Variants in TFCP2L1 observed in about 807,000 individuals in gnomAD.
The protein encoded by TFCP2L1 is transcription factor CP2 like 1, also known as transcription factor CP2-like protein 1.
A neutral mutation model predicts 72.2 loss-of-function variants in TFCP2L1; 12 were observed. That is an observed-to-expected ratio of 0.17 (90% CI 0.11 to 0.27). The LOEUF is 0.27. Among genes scored for constraint, TFCP2L1 ranks in the 10% least tolerant of loss-of-function variants. The pLI, the probability that TFCP2L1 is intolerant of heterozygous loss-of-function variation, is 1.00. For missense variants in TFCP2L1, 488 were observed against 624.6 expected (o/e 0.78, Z 2.33); for synonymous variants, 260 against 251.0 (o/e 1.04, Z -0.34).
chr2:121,225,802 A>C (rs1214021124), intron 13 of TFCP2L1, among the ~76,000 whole-genome samples, 189 bp from the exon 14 acceptor site: 1 of 148,898 alleles, frequency 6.7e-6, no homozygotes, highest in African/African-American at 2.5e-5. Context: ...CACGGTAAAC[A>C]CCACTGCCAC....
At chr2:121,283,282 G>A (rs781140604) in intron 1 of TFCP2L1, among the ~76,000 whole-genome samples, 3 of 152,162 alleles carry the variant, frequency 2.0e-5, no homozygotes, top group Non-Finnish European at 4.4e-5. Flanking sequence ...ACAGCTTGCA[G>A]AAGTTCTGCC....
chr2:121,285,132 A>T lies in TFCP2L1; in HGVS notation c.-23T>A. 2 of 1,481,264 alleles carry T rather than the reference A, an allele frequency of 1.4e-6. No individual in the cohort carries two copies. The highest frequency in any genetic ancestry group is 1.8e-6 in the Non-Finnish European group (2 of 1,113,854). 91.8% of individuals were successfully genotyped at this position (1,481,264 alleles called of 1,614,324 possible). A position where few individuals can be genotyped will look rare whatever the true frequency, so the allele number is the denominator to read the frequency against. On this transcript the variant is annotated 5_prime_UTR_variant, in exon 1 of 15. Transcript: ENST00000263707. ...CATGGCTGGAACTCCCAGCGCGCCGACCGGGGCGCGGCAGCAAGCGCAGAC... is the reference window on the plus strand; with the variant it reads ...CATGGCTGGAACTCCCAGCGCGCCGTCCGGGGCGCGGCAGCAAGCGCAGAC...
At position 121,217,527 on chromosome 2, in the gene TFCP2L1, G is replaced by A. The variant is rs1189733930; in HGVS notation, c.*6814C>T. 6.6e-6 allele frequency: 1 copy of A among 152,470 alleles called. No homozygotes were observed. Among genetic ancestry groups the A allele is most frequent in the Non-Finnish European group, 1.5e-5 (1 of 68,246 alleles). The allele number at this position is 152,470 out of a possible 1,614,324, so 9.4% of individuals were successfully genotyped here. On this transcript the variant is annotated 3_prime_UTR_variant, in exon 15 of 15. Transcript: ENST00000263707. ...AGGATACCCTTATGGAGGGCCGGGG[G>A]GCGGCCCCTCAAAACCACCAAGCTG...
chr2:121,254,615 T>G (rs1331783449), intron 2 of TFCP2L1, among the ~76,000 whole-genome samples: 1 of 152,088 alleles, frequency 6.6e-6, no homozygotes, highest in Non-Finnish European at 1.5e-5. Context: ...ATGGCCAACA[T>G]GGCGAAACCC....
chr2:121,280,627 G>A (rs189886844), intron 2 of TFCP2L1, among the ~76,000 whole-genome samples: 10 of 151,986 alleles, frequency 6.6e-5, no homozygotes, highest in East Asian at 3.9e-4. Context: ...CGGGCATGGC[G>A]GTCTACACCT....
chr2:121,235,437 C>G, intron 10 of TFCP2L1, 126 bp from the exon 11 acceptor site: 1 of 917,384 alleles, frequency 1.1e-6, no homozygotes, highest in South Asian at 1.5e-5. Flanking sequence ...CACTATCTCA[C>G]AGAGAGAAAA....
intron 12 of TFCP2L1, 91 bp downstream of exon 12, chr2:121,234,000 C>T: frequency 8.7e-7 from 1 of 1,154,458 alleles, no homozygotes; most frequent in Non-Finnish European, 1.3e-6. Context: ...CCTGCACATT[C>T]ACTGGAAATG....
intron 2 of TFCP2L1, among the ~76,000 whole-genome samples, chr2:121,267,202 G>A (rs1260428874): frequency 2.0e-5 from 3 of 152,054 alleles, no homozygotes; most frequent in Non-Finnish European, 4.4e-5. Context: ...ACAAGCATGA[G>A]CCACCGCACC....
At chr2:121,232,730 C>T (rs568776072) in intron 12 of TFCP2L1, among the ~76,000 whole-genome samples, 82 of 152,198 alleles carry the variant, frequency 5.4e-4, no homozygotes, top group African/African-American at 1.6e-3. Context: ...TTCCCCTGCC[C>T]GCAACACAAA....
intron 2 of TFCP2L1, among the ~76,000 whole-genome samples, chr2:121,276,559 C>T (rs13026905): frequency 0.026 from 3,859 of 150,258 alleles, 70 homozygotes; most frequent in South Asian, 0.052. Context: ...CCTGAGCCCG[C>T]GAGGCAGAGG....
intron 2 of TFCP2L1, among the ~76,000 whole-genome samples, chr2:121,272,200 T>C (rs1447953710): frequency 6.6e-6 from 1 of 152,198 alleles, no homozygotes. Flanking sequence ...GAGGGAAGCC[T>C]GATTTCACCC....
At chr2:121,269,764 C>G (rs893690271) in intron 2 of TFCP2L1, among the ~76,000 whole-genome samples, 3 of 151,774 alleles carry the variant, frequency 2.0e-5, no homozygotes, top group Admixed American at 1.3e-4. Flanking sequence ...CAAAAATTAG[C>G]CAGGCGTGGT....
intron 2 of TFCP2L1, among the ~76,000 whole-genome samples, chr2:121,272,426 T>C (rs1270167700): frequency 6.6e-6 from 1 of 152,192 alleles, no homozygotes; most frequent in African/African-American, 2.4e-5. Context: ...ATTTCTAAAA[T>C]GCTATTTCAA....
At chr2:121,236,318 G>A (rs1686248643) in intron 10 of TFCP2L1, among the ~76,000 whole-genome samples, 1 of 152,178 alleles carries the variant, frequency 6.6e-6, no homozygotes, top group African/African-American at 2.4e-5. Context: ...GATACTGCCA[G>A]CAGTTTCCCA....
chr2:121,281,818 C>T (rs1445820708), intron 1 of TFCP2L1, among the ~76,000 whole-genome samples: 1 of 152,072 alleles, frequency 6.6e-6, no homozygotes, highest in Non-Finnish European at 1.5e-5. Flanking sequence ...ATTCCTCCAT[C>T]CCTTCTAAAG....
chr2:121,263,012 C>T (rs140444294), intron 2 of TFCP2L1, among the ~76,000 whole-genome samples: 1,835 of 151,928 alleles, frequency 0.012, 21 homozygotes, highest in Non-Finnish European at 0.02. Flanking sequence ...CTCAGCTCAC[C>T]GCAACCCCCA....
At chr2:121,235,491 T>C (rs1459149747) in intron 10 of TFCP2L1, among the ~76,000 whole-genome samples, 180 bp from the exon 11 acceptor site, 2 of 151,144 alleles carry the variant, frequency 1.3e-5, no homozygotes, top group African/African-American at 2.4e-5. Context: ...GCCCAGGAAG[T>C]GCCAGTGCTC....
At chr2:121,240,783 C>T in intron 7 of TFCP2L1, 1 of 970,400 alleles carries the variant, frequency 1.0e-6, no homozygotes. Flanking sequence ...ACTGGTCTGG[C>T]CTCTAATCCA....
chr2:121,276,892 A>C (rs1404854853), intron 2 of TFCP2L1, among the ~76,000 whole-genome samples: 1 of 152,084 alleles, frequency 6.6e-6, no homozygotes, highest in Non-Finnish European at 1.5e-5. Context: ...AGTTTATTTC[A>C]AAGAATGAAA....
Sources: gnomAD v4.1 joint callset for allele counts (sites outside exome capture counted in the v4.1 genomes callset) on GRCh38, gnomAD v4.1.1 for gene constraint, MANE v1.5 for transcripts, NCBI Gene and HGNC (gene_info 2026-07-23, HGNC 2026-07-21) for gene names.